The following FAM237B variants were observed in gnomAD, a reference collection of about 807,000 sequenced individuals.
FAM237B encodes protein FAM237B.
chr7:90,320,270 C>T (rs1303040970), intron 2 of FAM237B: 3 of 152,254 alleles, frequency 2.0e-5, no homozygotes, highest in Admixed American at 1.3e-4. Flanking sequence ...GTTTAAGTCT[C>T]AAAGTTACTG....
At position 90,317,494 on chromosome 7, in the gene FAM237B, A is replaced by G. The variant is rs1794908517; in HGVS notation, c.*1835T>C. The G allele has an allele frequency of 7.2e-6, 1 of 138,916 alleles. No homozygotes were observed. Among genetic ancestry groups the G allele is most frequent in the Admixed American group, 7.1e-5 (1 of 14,138 alleles). 8.6% of individuals were successfully genotyped at this position (138,916 alleles called of 1,614,324 possible). On this transcript the variant is annotated 3_prime_UTR_variant, in exon 3 of 3. Coordinates refer to ENST00000692316, the MANE Select transcript of FAM237B (RefSeq NM_001384237.2). ...CAAGATAAGAAGTTTTCAATCTAGGAAATTATTAGCCCTACAATCTTATAT... is the reference window on the plus strand; with the variant it reads ...CAAGATAAGAAGTTTTCAATCTAGGGAATTATTAGCCCTACAATCTTATAT...
rs2117593946 is a variant in FAM237B at position 90,319,627 on chromosome 7, G to A, written c.122C>T (p.Thr41Ile). 3 of 398,588 alleles carry A rather than the reference G, an allele frequency of 7.5e-6. No individual in the cohort carries two copies. In the East Asian group the frequency reaches 1.1e-4, roughly 14 times the overall value. 24.7% of individuals were successfully genotyped at this position (398,588 alleles called of 1,614,324 possible). The change falls in exon 3 of 3, where the codon ACC (threonine) becomes ATC (isoleucine). Residue 41 changes from threonine (T) to isoleucine (I), a missense_variant. Coordinates refer to ENST00000692316, the MANE Select transcript of FAM237B (RefSeq NM_001384237.2). ...CCAGCACTGGAGATCAATGTCTTTG[G>A]TGATTCCTGGGCTGATGCTGGCAAG... ...GVLASISPGITKDIDLQCWKA... is the reference protein window; with the variant it reads ...GVLASISPGIIKDIDLQCWKA...
At position 90,319,148 on chromosome 7, in the gene FAM237B, A is replaced by G; in HGVS notation, c.*181T>C. 1 of 384,998 alleles carries G rather than the reference A, an allele frequency of 2.6e-6. No homozygotes were observed. Among genetic ancestry groups the G allele is most frequent in the Non-Finnish European group, 4.6e-6 (1 of 218,016 alleles). The allele number at this position is 384,998 out of a possible 1,614,324, so 23.8% of individuals were successfully genotyped here. A position where few individuals can be genotyped will look rare whatever the true frequency, so the allele number is the denominator to read the frequency against. On this transcript the variant is annotated 3_prime_UTR_variant, in exon 3 of 3. Transcript: ENST00000692316. ...CTACCAAAGTGTATTATATTCCAAG[A>G]TCATTTAAAATTGTAAGTCAGAGCT...
chr7:90,319,627 G>T lies in FAM237B; in HGVS notation c.122C>A (p.Thr41Asn). ...CCAGCACTGGAGATCAATGTCTTTG[G>T]TGATTCCTGGGCTGATGCTGGCAAG... is the stretch of plus-strand genomic sequence containing the variant. ...GVLASISPGI[T>N]KDIDLQCWKA... Residue 41 changes from threonine to asparagine, a missense_variant, in exon 3 of 3, where the codon ACC becomes AAC. By Grantham distance (65) the Thr-to-Asn change is moderately conservative. Coordinates refer to ENST00000692316, the MANE Select transcript of FAM237B (RefSeq NM_001384237.2). 2.5e-6 allele frequency: 1 copy of T among 398,588 alleles called. No individual in the cohort carries two copies. Among genetic ancestry groups the T allele is most frequent in the East Asian group, 3.6e-5 (1 of 28,070 alleles). The allele number at this position is 398,588 out of a possible 1,614,324, so 24.7% of individuals were successfully genotyped here.
In FAM237B at chr7:90,317,895, A is replaced by T. The variant is rs570404269; in HGVS notation, c.*1434T>A. 1 of 152,294 alleles carries T rather than the reference A, an allele frequency of 6.6e-6. No individual in the cohort carries two copies. The highest frequency in any genetic ancestry group is 1.5e-5 in the Non-Finnish European group (1 of 67,984). 9.4% of individuals were successfully genotyped at this position (152,294 alleles called of 1,614,324 possible). ...TGTCATTGTAAGGATACTTGAAACC[A>T]GTGTTGTAAACCATGGTAGCCACTG... On this transcript the variant is annotated 3_prime_UTR_variant, in exon 3 of 3. Coordinates refer to ENST00000692316, the MANE Select transcript of FAM237B (RefSeq NM_001384237.2).
In FAM237B at chr7:90,317,277, T is replaced by G. The variant is rs1794889073; in HGVS notation, c.*2052A>C. The G allele has an allele frequency of 1.3e-5, 2 of 152,132 alleles. No homozygotes were observed. The highest frequency in any genetic ancestry group is 4.8e-5 in the African/African-American group (2 of 41,446). 9.4% of individuals were successfully genotyped at this position (152,132 alleles called of 1,614,324 possible). ...GAGCTAAACAGTAATAAAGTGTCAA[T>G]ATGAAAATATGTTGAAATTTAAAAA... On this transcript the variant is annotated 3_prime_UTR_variant, in exon 3 of 3. Coordinates refer to ENST00000692316, the MANE Select transcript of FAM237B (RefSeq NM_001384237.2).
chr7:90,317,535 C>CA lies in FAM237B; in HGVS notation c.*1793dup, dbSNP rs1794916795. 7.0e-6 allele frequency: 1 copy of CA among 143,522 alleles called. No homozygotes were observed. The highest frequency in any genetic ancestry group is 2.5e-5 in the African/African-American group (1 of 40,302). 8.9% of individuals were successfully genotyped at this position (143,522 alleles called of 1,614,324 possible). A position where few individuals can be genotyped will look rare whatever the true frequency, so the allele number is the denominator to read the frequency against. ...AATCTTATATTATCTGCTACTCATG[C>CA]AAAATTGGTTATATGAAATAATATT... On this transcript the variant is annotated 3_prime_UTR_variant, in exon 3 of 3. Transcript: ENST00000692316.
At position 90,321,173 on chromosome 7, in the gene FAM237B, G is replaced by C. The variant is rs1035761965; in HGVS notation, c.-302C>G. On this transcript the variant is annotated 5_prime_UTR_variant, in exon 1 of 3. Coordinates refer to ENST00000692316, the MANE Select transcript of FAM237B (RefSeq NM_001384237.2). ...GTGTCACCCACCCCGAGCGCTCACCGGGCGCCCAAGCTCGCTCAGCGGAAC... is the reference window on the plus strand; with the variant it reads ...GTGTCACCCACCCCGAGCGCTCACCCGGCGCCCAAGCTCGCTCAGCGGAAC... 2.0e-5 allele frequency: 3 copies of C among 152,300 alleles called. No homozygotes were observed. Among genetic ancestry groups the C allele is most frequent in the Non-Finnish European group, 4.4e-5 (3 of 68,100 alleles). The allele number at this position is 152,300 out of a possible 1,614,324, so 9.4% of individuals were successfully genotyped here.
In FAM237B at chr7:90,318,753, C is replaced by CA. The variant is rs1227842718; in HGVS notation, c.*575dup. The CA allele has an allele frequency of 6.6e-6, 1 of 151,882 alleles. No homozygotes were observed. The highest frequency in any genetic ancestry group is 6.6e-5 in the Admixed American group (1 of 15,260). The allele number at this position is 151,882 out of a possible 1,614,324, so 9.4% of individuals were successfully genotyped here. ...TTCAATAGCAATAAAGCAATTACAA[C>CA]AAAAAACAACGTTTATCAGTATTAA... On this transcript the variant is annotated 3_prime_UTR_variant, in exon 3 of 3. Coordinates refer to ENST00000692316, the MANE Select transcript of FAM237B (RefSeq NM_001384237.2).
At position 90,318,877 on chromosome 7, in the gene FAM237B, A is replaced by C. The variant is rs1795059020; in HGVS notation, c.*452T>G. 1 of 152,296 alleles carries C rather than the reference A, an allele frequency of 6.6e-6. No homozygotes were observed. The highest frequency in any genetic ancestry group is 1.9e-4 in the East Asian group (1 of 5,204). The allele number at this position is 152,296 out of a possible 1,614,324, so 9.4% of individuals were successfully genotyped here. ...GAGGTATTTTACATGTTTTCTCTTAAATGTAATACTCTCATTTTGTAAAAT... is the reference window on the plus strand; with the variant it reads ...GAGGTATTTTACATGTTTTCTCTTACATGTAATACTCTCATTTTGTAAAAT... On this transcript the variant is annotated 3_prime_UTR_variant, in exon 3 of 3. Coordinates refer to ENST00000692316, the MANE Select transcript of FAM237B (RefSeq NM_001384237.2).
rs1794981433 is a variant in FAM237B at position 90,318,132 on chromosome 7, A to C, written c.*1197T>G. 2 of 152,298 alleles carry C rather than the reference A, an allele frequency of 1.3e-5. No homozygotes were observed. The highest frequency in any genetic ancestry group is 4.1e-4 in the South Asian group (2 of 4,822). 9.4% of individuals were successfully genotyped at this position (152,298 alleles called of 1,614,324 possible). A position where few individuals can be genotyped will look rare whatever the true frequency, so the allele number is the denominator to read the frequency against. ...TACGACATGCATTCAAAAAGTATTA[A>C]TCTAAACCGTAACTCCATTGTATTA... On this transcript the variant is annotated 3_prime_UTR_variant, in exon 3 of 3. Coordinates refer to ENST00000692316, the MANE Select transcript of FAM237B (RefSeq NM_001384237.2).
rs1794869319 is a variant in FAM237B at position 90,317,071 on chromosome 7, A to G, written c.*2258T>C. ...GGCTCCTCTGCAGGAAATGAATTCTAGGTGGATAGCTGTCAGGTCATTTTT... is the reference window on the plus strand; with the variant it reads ...GGCTCCTCTGCAGGAAATGAATTCTGGGTGGATAGCTGTCAGGTCATTTTT... On this transcript the variant is annotated 3_prime_UTR_variant, in exon 3 of 3. Transcript: ENST00000692316. The G allele has an allele frequency of 6.6e-6, 1 of 151,906 alleles. No homozygotes were observed. Among genetic ancestry groups the G allele is most frequent in the African/African-American group, 2.4e-5 (1 of 41,372 alleles). 9.4% of individuals were successfully genotyped at this position (151,906 alleles called of 1,614,324 possible). A position where few individuals can be genotyped will look rare whatever the true frequency, so the allele number is the denominator to read the frequency against.
chr7:90,321,032 G>C lies in FAM237B; in HGVS notation c.-161C>G, dbSNP rs1309387189. On this transcript the variant is annotated 5_prime_UTR_variant, in exon 1 of 3. Transcript: ENST00000692316. ...GCGCTACGCTCGTTGGGAGGAGGACGGGGCGCCTCCTGCCCACGAGGAACC... is the reference window on the plus strand; with the variant it reads ...GCGCTACGCTCGTTGGGAGGAGGACCGGGCGCCTCCTGCCCACGAGGAACC... 2 of 152,278 alleles carry C rather than the reference G, an allele frequency of 1.3e-5. No homozygotes were observed. The highest frequency in any genetic ancestry group is 3.4e-3 in the Middle Eastern group (1 of 296). 9.4% of individuals were successfully genotyped at this position (152,278 alleles called of 1,614,324 possible).
Position 90,318,013 on chromosome 7 carries a change from G to A in FAM237B, c.*1316C>T, listed in dbSNP as rs1483359384. On this transcript the variant is annotated 3_prime_UTR_variant, in exon 3 of 3. Transcript: ENST00000692316. Reference sequence around the variant, plus strand: ...ATGGTTTGGTTTTTCTTATAAGCATGTGAATCTTGAAACTGTTCATGTGTC... The same window carrying A: ...ATGGTTTGGTTTTTCTTATAAGCATATGAATCTTGAAACTGTTCATGTGTC... 6.6e-6 allele frequency: 1 copy of A among 152,208 alleles called. No homozygotes were observed. Among genetic ancestry groups the A allele is most frequent in the East Asian group, 1.9e-4 (1 of 5,204 alleles). The allele number at this position is 152,208 out of a possible 1,614,324, so 9.4% of individuals were successfully genotyped here.
chr7:90,319,930 C>G (rs530094686), intron 2 of FAM237B, among the ~76,000 whole-genome samples, 179 bp from the exon 3 acceptor site: 1 of 152,116 alleles, frequency 6.6e-6, no homozygotes, highest in African/African-American at 2.4e-5. Context: ...ATTACAGTTC[C>G]GGTTTGATTT....
chr7:90,320,562 G>T (rs1417797941), intron 2 of FAM237B, 119 bp downstream of exon 2: 2 of 152,190 alleles, frequency 1.3e-5, no homozygotes, highest in Non-Finnish European at 2.9e-5. Flanking sequence ...GACTAAGTTG[G>T]CATTGAATTG....
Position 90,319,572 on chromosome 7 carries a change from G to A in FAM237B, c.177C>T (p.Leu59=), listed in dbSNP as rs1181587431. 1 of 398,426 alleles carries A rather than the reference G, an allele frequency of 2.5e-6. No individual in the cohort carries two copies. Among genetic ancestry groups the A allele is most frequent in the Non-Finnish European group, 4.4e-6 (1 of 226,058 alleles). 24.7% of individuals were successfully genotyped at this position (398,426 alleles called of 1,614,324 possible). Residue 59 remains leucine, a synonymous_variant, in exon 3 of 3, where the codon CTC becomes CTT. Coordinates refer to ENST00000692316, the MANE Select transcript of FAM237B (RefSeq NM_001384237.2). ...WKACSLTLID[L]KELKIEHNVD... ...CATTGTGCTCTATCTTGAGTTCCTT[G>A]AGATCTATCAATGTCAAAGAGCAAG...
At position 90,318,357 on chromosome 7, in the gene FAM237B, A is replaced by G. The variant is rs776989182; in HGVS notation, c.*972T>C. 2.0e-5 allele frequency: 3 copies of G among 151,970 alleles called. No homozygotes were observed. The highest frequency in any genetic ancestry group is 2.9e-5 in the Non-Finnish European group (2 of 67,918). The allele number at this position is 151,970 out of a possible 1,614,324, so 9.4% of individuals were successfully genotyped here. ...TGAAATGAAGTTTCTGTCTTTGTTT[A>G]TTGTTCCTTTTTCAAAACAAAGACA... is the stretch of plus-strand genomic sequence containing the variant. On this transcript the variant is annotated 3_prime_UTR_variant, in exon 3 of 3. Transcript: ENST00000692316.
In FAM237B at chr7:90,321,033, G is replaced by A. The variant is rs982826286; in HGVS notation, c.-162C>T. 30 of 152,268 alleles carry A rather than the reference G, an allele frequency of 2.0e-4. No homozygotes were observed. Among genetic ancestry groups the A allele is most frequent in the African/African-American group, 5.8e-4 (24 of 41,554 alleles). The allele number at this position is 152,268 out of a possible 1,614,324, so 9.4% of individuals were successfully genotyped here. A position where few individuals can be genotyped will look rare whatever the true frequency, so the allele number is the denominator to read the frequency against. On this transcript the variant is annotated 5_prime_UTR_variant, in exon 1 of 3. Coordinates refer to ENST00000692316, the MANE Select transcript of FAM237B (RefSeq NM_001384237.2). ...CGCTACGCTCGTTGGGAGGAGGACG[G>A]GGCGCCTCCTGCCCACGAGGAACCA...
Sources: allele counts gnomAD v4.1 joint callset (sites outside exome capture counted in the v4.1 genomes callset), GRCh38; gene constraint gnomAD v4.1.1; transcripts MANE v1.5; gene names NCBI Gene and HGNC (gene_info 2026-07-23, HGNC 2026-07-21).